The following HCK variants were observed in gnomAD, a reference collection of about 807,000 sequenced individuals.
HCK encodes the protein HCK proto-oncogene, Src family tyrosine kinase.
A neutral mutation model predicts 70.4 loss-of-function variants in HCK; 40 were observed. The observed-to-expected ratio is 0.57, with a 90% confidence interval of 0.44 to 0.74. The LOEUF is 0.74. HCK is among the 30% of genes least tolerant of loss of function. The pLI, the probability that HCK is intolerant of heterozygous loss-of-function variation, is 0.00. For missense variants in HCK, 568 were observed against 697.2 expected (o/e 0.81, Z 2.09); for synonymous variants, 245 against 263.2 (o/e 0.93, Z 0.67).
Position 32,073,374 on chromosome 20 carries a change from G to A in HCK, c.226+13G>A, listed in dbSNP as rs116757447. On this transcript the variant is annotated intron_variant, in intron 3 of 12. Coordinates refer to ENST00000375852, the MANE Select transcript of HCK (RefSeq NM_002110.5). ...GGAATCAGGGAGGGTAAGTATCTAC[G>A]AGCAGATGCAGTGGAGTCATGTGTC... 1,287 of 1,609,406 alleles carry A rather than the reference G, an allele frequency of 8.0e-4. 6 individuals are homozygous for A. In the African/African-American group the frequency reaches 0.015, roughly 19 times the overall value.
At chr20:32,057,098 C>T (rs80236822) in intron 1 of HCK, among the ~76,000 whole-genome samples, 6,429 of 152,258 alleles carry the variant, frequency 0.042, 345 homozygotes, top group African/African-American at 0.13. Flanking sequence ...AGTTAGCAGC[C>T]CTGAGACTAG....
chr20:32,091,093 C>T (rs1488826537), intron 10 of HCK, among the ~76,000 whole-genome samples: 4 of 152,178 alleles, frequency 2.6e-5, no homozygotes, highest in Non-Finnish European at 5.9e-5. Context: ...AGAGCTGCAG[C>T]GCTCAAGCTG....
chr20:32,096,009 C>A (rs1341683385), intron 11 of HCK, among the ~76,000 whole-genome samples: 1 of 151,790 alleles, frequency 6.6e-6, no homozygotes, highest in East Asian at 2.0e-4. Flanking sequence ...CCTGCCTCAG[C>A]CTCCCAAGCA....
At chr20:32,069,882 C>A in intron 1 of HCK, 2 of 598,610 alleles carry the variant, frequency 3.3e-6, no homozygotes, top group Non-Finnish European at 4.9e-6. Flanking sequence ...TAACTGAGTT[C>A]TAACTGCTTT....
intron 12 of HCK, among the ~76,000 whole-genome samples, chr20:32,100,241 C>T (rs981862966): frequency 2.6e-5 from 4 of 152,032 alleles, no homozygotes; most frequent in African/African-American, 7.2e-5. Context: ...CAAGGTATTG[C>T]TATGTTGCCG....
At chr20:32,097,551 GC>G (rs2045973498) in intron 11 of HCK, among the ~76,000 whole-genome samples, 1 of 152,164 alleles carries the variant, frequency 6.6e-6, no homozygotes, top group African/African-American at 2.4e-5. Context: ...CTGCACTCCA[GC>G]CTGGGCAAAC....
chr20:32,092,135 T>A (rs1044697123), intron 10 of HCK, among the ~76,000 whole-genome samples: 2 of 152,128 alleles, frequency 1.3e-5, no homozygotes, highest in Non-Finnish European at 2.9e-5. Flanking sequence ...TTGTTCTGTC[T>A]AGTCAGACGC....
chr20:32,073,466 C>A (rs7270725), intron 3 of HCK, 105 bp downstream of exon 3: 3 of 1,018,260 alleles, frequency 2.9e-6, no homozygotes, highest in South Asian at 3.1e-5. Flanking sequence ...AAACCCCTGT[C>A]GAGAATCCCC....
chr20:32,073,752 A>C lies in HCK; in HGVS notation c.263A>C (p.Asp88Ala), dbSNP rs1319323058. ...GACATCATCGTGGTTGCCCTGTATG[A>C]TTACGAGGCCATTCACCACGAAGAC... Residue 88 changes from aspartate (D) to alanine (A), a missense_variant, in exon 4 of 13, where the codon GAT (aspartate) becomes GCT (alanine). By Grantham distance (126) the Asp-to-Ala change is moderately radical (BLOSUM62 -2). Around this residue, in one of 4 missense-constraint regions of HCK, gnomAD observed 318 missense variants for 336.0 expected, o/e 0.95. Coordinates refer to ENST00000375852, the MANE Select transcript of HCK (RefSeq NM_002110.5). 1.9e-6 allele frequency: 3 copies of C among 1,558,542 alleles called. No homozygotes were observed. The East Asian group carries it at 7.2e-5, about 37-fold the overall frequency.
At chr20:32,094,118 C>G in intron 11 of HCK, 102 bp downstream of exon 11, 8 of 1,095,820 alleles carry the variant, frequency 7.3e-6, no homozygotes, top group Non-Finnish European at 1.1e-5. Context: ...AAGGGACTGC[C>G]CCAGTACTAG....
At chr20:32,098,337 AT>A (rs1048197923) in intron 11 of HCK, among the ~76,000 whole-genome samples, 10 of 152,176 alleles carry the variant, frequency 6.6e-5, no homozygotes, top group Admixed American at 5.9e-4. Flanking sequence ...GGCCAAAAAA[AT>A]TTTTTTAATT....
intron 1 of HCK, among the ~76,000 whole-genome samples, chr20:32,069,053 G>A (rs1009707317): frequency 1.3e-5 from 2 of 152,250 alleles, no homozygotes; most frequent in Admixed American, 1.3e-4. Context: ...GTGGGCCAGA[G>A]GAATTGCAAA....
At chr20:32,052,948 C>T (rs1208388317) in intron 1 of HCK, among the ~76,000 whole-genome samples, 1 of 152,010 alleles carries the variant, frequency 6.6e-6, no homozygotes, top group Non-Finnish European at 1.5e-5. Flanking sequence ...GGAGGCGTGA[C>T]GTGCGAGCCA....
intron 1 of HCK, among the ~76,000 whole-genome samples, chr20:32,055,373 T>C (rs899326987): frequency 2.6e-5 from 4 of 152,246 alleles, no homozygotes; most frequent in Admixed American, 2.0e-4. Flanking sequence ...TTCAAGAAAA[T>C]GGAAGCATGA....
chr20:32,086,232 G>A (rs1308637720), intron 8 of HCK, among the ~76,000 whole-genome samples: 1 of 152,212 alleles, frequency 6.6e-6, no homozygotes, highest in Non-Finnish European at 1.5e-5. Context: ...TGTTAGCCAG[G>A]ATGGTCTCGA....
intron 1 of HCK, among the ~76,000 whole-genome samples, chr20:32,057,264 C>A (rs1046164904): frequency 2.0e-5 from 3 of 152,234 alleles, no homozygotes; most frequent in Non-Finnish European, 4.4e-5. Context: ...AGTTTTCAAA[C>A]CCCACCCTTC....
At chr20:32,084,085 CCA>C (rs1309525809) in intron 7 of HCK, 42 bp downstream of exon 7, 2 of 1,598,712 alleles carry the variant, frequency 1.3e-6, no homozygotes, top group East Asian at 4.5e-5. Context: ...CACGATGGGC[CCA>C]CAGACTCCTA....
At chr20:32,081,143 C>T (rs1253618005) in intron 6 of HCK, among the ~76,000 whole-genome samples, 1 of 152,162 alleles carries the variant, frequency 6.6e-6, no homozygotes, top group Non-Finnish European at 1.5e-5. Context: ...AAGCCTCATT[C>T]CTCCTTTCCT....
At chr20:32,064,947 A>ATT in intron 1 of HCK, among the ~76,000 whole-genome samples, 2 of 152,366 alleles carry the variant, frequency 1.3e-5, no homozygotes, top group African/African-American at 4.8e-5. Flanking sequence ...AACCAGGCAG[A>ATT]CTGCTTCTGC....
Sources: gnomAD v4.1 joint callset for allele counts (sites outside exome capture counted in the v4.1 genomes callset) on GRCh38, gnomAD v4.1.1 for gene constraint, gnomAD v4.1.1 regional missense constraint, MANE v1.5 for transcripts, NCBI Gene and HGNC (gene_info 2026-07-23, HGNC 2026-07-21) for gene names.